TLE1: variants seen among roughly 807,000 people sequenced by gnomAD.
TLE1 encodes TLE family member 1, transcriptional corepressor, also known as transducin-like enhancer protein 1.
In TLE1, 21 loss-of-function variants were observed where a neutral mutation model predicts 89.8. The ratio of observed to expected loss-of-function variants is 0.23; its 90% CI spans 0.17 to 0.34. The LOEUF is 0.34. Ranked by LOEUF, TLE1 falls within the 10% of genes least tolerant of loss-of-function variation. The pLI, the probability that TLE1 is intolerant of heterozygous loss-of-function variation, is 1.00. For missense variants in TLE1, 795 were observed against 1,031.2 expected, an observed-to-expected ratio of 0.77 and a Z score of 3.14; for synonymous variants, 447 against 407.6, an observed-to-expected ratio of 1.10 and a Z score of -1.16.
intron 4 of TLE1, among the ~76,000 whole-genome samples, chr9:81,669,336 CCTT>C (rs1831912750): frequency 6.6e-6 from 1 of 152,218 alleles, no homozygotes; most frequent in African/African-American, 2.4e-5. Flanking sequence ...AGCCCTCCCT[CCTT>C]CTGGGCCACT....
At position 81,602,734 on chromosome 9, in the gene TLE1, T is replaced by C. The variant is rs1222856314; in HGVS notation, c.1331+7486A>G. On this transcript the variant is annotated intron_variant, in intron 14 of 19. Transcript: ENST00000376499. ...AAGTGCTTTACAATAAAGAATACACTGACAGCAATCTGATGAGGAAGGAAG... is the reference window on the plus strand; with the variant it reads ...AAGTGCTTTACAATAAAGAATACACCGACAGCAATCTGATGAGGAAGGAAG... 3.3e-5 allele frequency among the ~76,000 whole-genome samples: 5 copies of C among 152,290 alleles called. No homozygotes were observed. In the East Asian group the frequency reaches 9.7e-4, roughly 29 times the overall value.
intron 6 of TLE1, among the ~76,000 whole-genome samples, chr9:81,651,685 T>C (rs1001939420): frequency 6.6e-6 from 1 of 152,178 alleles, no homozygotes; most frequent in African/African-American, 2.4e-5. Context: ...CAGAGACCCA[T>C]TTTGACCTCA....
intron 6 of TLE1, among the ~76,000 whole-genome samples, chr9:81,639,087 C>T (rs1827766366): frequency 6.6e-6 from 1 of 151,472 alleles, no homozygotes; most frequent in Admixed American, 6.6e-5. Flanking sequence ...TGCACCACTA[C>T]ACTTGGCTAA....
chr9:81,650,061 C>T (rs544197053), intron 6 of TLE1, among the ~76,000 whole-genome samples: 1 of 152,226 alleles, frequency 6.6e-6, no homozygotes, highest in Non-Finnish European at 1.5e-5. Flanking sequence ...TGCATTGCGC[C>T]TGATTCACCA....
At chr9:81,687,831 G>C (rs939382339) in intron 1 of TLE1, among the ~76,000 whole-genome samples, 1 of 152,040 alleles carries the variant, frequency 6.6e-6, no homozygotes, top group Non-Finnish European at 1.5e-5. Flanking sequence ...CATTCCCAGA[G>C]TCGCCGGGGC....
intron 4 of TLE1, among the ~76,000 whole-genome samples, chr9:81,682,781 A>G (rs10867795): frequency 0.11 from 16,516 of 152,200 alleles, 1,587 homozygotes; most frequent in East Asian, 0.49. Context: ...GTATAGAGAT[A>G]TCTAGAGTTT....
chr9:81,682,706 C>T (rs1833779876), intron 4 of TLE1, among the ~76,000 whole-genome samples: 1 of 152,142 alleles, frequency 6.6e-6, no homozygotes, highest in Admixed American at 6.6e-5. Context: ...TTTTTTAATG[C>T]ACCCTAACAC....
intron 6 of TLE1, among the ~76,000 whole-genome samples, chr9:81,639,335 G>C (rs1466718081): frequency 6.6e-6 from 1 of 152,120 alleles, no homozygotes; most frequent in Non-Finnish European, 1.5e-5. Flanking sequence ...CAAAGTGCTA[G>C]ATTACAAGCG....
At chr9:81,659,686 C>T (rs763175102) in intron 4 of TLE1, among the ~76,000 whole-genome samples, 38 of 152,128 alleles carry the variant, frequency 2.5e-4, no homozygotes, top group Non-Finnish European at 4.4e-4. Flanking sequence ...TATGGTAATA[C>T]AGTTAGCCCT....
At chr9:81,662,599 G>A (rs879759160) in intron 4 of TLE1, among the ~76,000 whole-genome samples, 3 of 151,808 alleles carry the variant, frequency 2.0e-5, no homozygotes, top group Non-Finnish European at 4.4e-5. Flanking sequence ...TTGAGGAGCT[G>A]AGGTGGTAGA....
chr9:81,688,168 C>G (rs746010630), intron 1 of TLE1, 49 bp downstream of exon 1: 4 of 1,599,296 alleles, frequency 2.5e-6, no homozygotes, highest in African/African-American at 2.7e-5. Flanking sequence ...CCGGGAGAAG[C>G]GCCTCCCCAA....
intron 8 of TLE1, among the ~76,000 whole-genome samples, chr9:81,633,040 G>A (rs1030880376): frequency 6.6e-6 from 1 of 152,130 alleles, no homozygotes; most frequent in Non-Finnish European, 1.5e-5. Context: ...TTAAAGTGAG[G>A]CAGGGGAATA....
intron 4 of TLE1, among the ~76,000 whole-genome samples, chr9:81,685,187 C>T (rs763696519): frequency 1.4e-5 from 2 of 147,874 alleles, no homozygotes; most frequent in African/African-American, 4.9e-5. Context: ...CTAATCCTGA[C>T]TATTGCTTCA....
At chr9:81,642,593 C>T (rs1297952178) in intron 6 of TLE1, among the ~76,000 whole-genome samples, 1 of 151,954 alleles carries the variant, frequency 6.6e-6, no homozygotes, top group Non-Finnish European at 1.5e-5. Flanking sequence ...ACTCCAGAGG[C>T]TGAGGCAGGA....
rs772033823 is a variant in TLE1 at position 81,615,119 on chromosome 9, AAAGAAGAAG to A, written c.918+854_918+862del. Among the ~76,000 whole-genome samples the A allele has an allele frequency of 8.6e-5, 7 of 81,308 alleles. 1 individual carries two copies. Among genetic ancestry groups the A allele is most frequent in the African/African-American group, 3.3e-4 (6 of 18,212 alleles). 53.3% of individuals were successfully genotyped at this position (81,308 alleles called of 152,430 possible). A position where few individuals can be genotyped will look rare whatever the true frequency, so the allele number is the denominator to read the frequency against. On this transcript the variant is annotated intron_variant, in intron 11 of 19. Coordinates refer to ENST00000376499, the MANE Select transcript of TLE1 (RefSeq NM_005077.5). ...AAAAAAAAAAAAAAAAAAAAAAAAA[AAAGAAGAAG>A]AAGAAGAAGGCAATGAACATGGATG... is the stretch of plus-strand genomic sequence containing the variant.
intron 14 of TLE1, among the ~76,000 whole-genome samples, chr9:81,604,453 G>T (rs752610068): frequency 6.6e-6 from 1 of 152,312 alleles, no homozygotes. Context: ...GAGCTGCCAT[G>T]AGGATGATAG....
chr9:81,672,397 G>A lies in TLE1; in HGVS notation c.234+13279C>T, dbSNP rs190001228. On this transcript the variant is annotated intron_variant, in intron 4 of 19. Coordinates refer to ENST00000376499, the MANE Select transcript of TLE1 (RefSeq NM_005077.5). ...TGCCCAGGCTGGAGTGTGATGGTGC[G>A]ATCTTGGCTCACTGCAACCTCCGCC... Among the ~76,000 whole-genome samples the A allele has an allele frequency of 7.9e-4, 119 of 150,942 alleles. 1 individual carries two copies. The highest frequency in any genetic ancestry group is 1.4e-3 in the Non-Finnish European group (94 of 67,890).
chr9:81,685,532 C>T, intron 4 of TLE1, 144 bp downstream of exon 4: 1 of 701,626 alleles, frequency 1.4e-6, no homozygotes, highest in Non-Finnish European at 2.4e-6. Flanking sequence ...AGAATACTAC[C>T]ATCAATCCAC....
intron 8 of TLE1, among the ~76,000 whole-genome samples, chr9:81,629,463 C>A (rs1048940565): frequency 6.6e-6 from 1 of 152,034 alleles, no homozygotes; most frequent in Non-Finnish European, 1.5e-5. Context: ...TTTTTTAAAC[C>A]AAAGCCAAAC....
Sources: gnomAD v4.1 joint callset for allele counts (sites outside exome capture counted in the v4.1 genomes callset) on GRCh38, gnomAD v4.1.1 for gene constraint, MANE v1.5 for transcripts, NCBI Gene and HGNC (gene_info 2026-07-23, HGNC 2026-07-21) for gene names.